Variants in PLCXD3 observed in about 807,000 individuals in gnomAD.
The protein encoded by PLCXD3 is phosphatidylinositol specific phospholipase C X domain containing 3.
A neutral mutation model predicts 25.5 loss-of-function variants in PLCXD3; 19 were observed. The observed-to-expected ratio is 0.75, with a 90% CI of 0.52 to 1.09. PLCXD3 has a LOEUF of 1.09. Among genes scored for constraint, PLCXD3 ranks in the 50% least tolerant of loss-of-function variants. PLCXD3 has a pLI of 0.00. For missense variants in PLCXD3, 411 were observed against 388.1 expected (o/e 1.06, Z -0.50); for synonymous variants, 174 against 137.6 (o/e 1.26, Z -1.85).
intron 1 of PLCXD3, among the ~76,000 whole-genome samples, chr5:41,501,411 A>C (rs948271960): frequency 6.6e-6 from 1 of 152,116 alleles, no homozygotes; most frequent in Admixed American, 6.6e-5. Context: ...CCTTGAAGAC[A>C]TTATGCGAAC....
intron 2 of PLCXD3, among the ~76,000 whole-genome samples, chr5:41,348,902 C>T (rs1744376156): frequency 1.3e-5 from 2 of 152,016 alleles, no homozygotes; most frequent in African/African-American, 4.8e-5. Context: ...GGAAAATTTG[C>T]CAAAAGAAGT....
intron 2 of PLCXD3, among the ~76,000 whole-genome samples, chr5:41,320,307 C>CA (rs758517712): frequency 2.3e-4 from 35 of 151,050 alleles, no homozygotes; most frequent in East Asian, 3.9e-4. Context: ...CACCTAAAAA[C>CA]AAAAAAAAGA....
chr5:41,307,059 C>A lies in PLCXD3; in HGVS notation c.*6558G>T, dbSNP rs967637845. ...AAAAAATTCACATTTTCTATACAGACTGTAGCCATGGATTTTCTTTACACC... is the reference window on the plus strand; with the variant it reads ...AAAAAATTCACATTTTCTATACAGAATGTAGCCATGGATTTTCTTTACACC... On this transcript the variant is annotated 3_prime_UTR_variant, in exon 3 of 3. Transcript: ENST00000377801. The A allele has an allele frequency of 6.6e-6, 1 of 152,538 alleles. No homozygotes were observed. The highest frequency in any genetic ancestry group is 2.4e-5 in the African/African-American group (1 of 41,424). 9.4% of individuals were successfully genotyped at this position (152,538 alleles called of 1,614,324 possible).
intron 1 of PLCXD3, among the ~76,000 whole-genome samples, chr5:41,491,621 T>A (rs1748673379): frequency 6.6e-6 from 1 of 152,132 alleles, no homozygotes; most frequent in Non-Finnish European, 1.5e-5. Flanking sequence ...GGTGCTCCTG[T>A]GTTGGGTGCA....
At chr5:41,318,162 C>T (rs1743355930) in intron 2 of PLCXD3, among the ~76,000 whole-genome samples, 1 of 151,958 alleles carries the variant, frequency 6.6e-6, no homozygotes, top group East Asian at 1.9e-4. Flanking sequence ...TTCATCAATC[C>T]CAGACCCGCC....
chr5:41,464,179 C>T lies in PLCXD3; in HGVS notation c.103+46245G>A, dbSNP rs376284541. Among the ~76,000 whole-genome samples the T allele has an allele frequency of 2.0e-3, 307 of 152,116 alleles. 1 individual carries two copies. Among genetic ancestry groups the T allele is most frequent in the African/African-American group, 6.8e-3 (284 of 41,526 alleles). Reference sequence around the variant, plus strand: ...CCCTGACTGTTCATTTACTAGTCTGCTTTAATCTGAAGAGCTCTGTAATCT... The same window carrying T: ...CCCTGACTGTTCATTTACTAGTCTGTTTTAATCTGAAGAGCTCTGTAATCT... On this transcript the variant is annotated intron_variant, in intron 1 of 2. Transcript: ENST00000377801.
chr5:41,481,118 A>AG (rs1486255887), intron 1 of PLCXD3, among the ~76,000 whole-genome samples: 209 of 151,160 alleles, frequency 1.4e-3, no homozygotes, highest in African/African-American at 4.9e-3. Context: ...AAAAAAAAAA[A>AG]AAAAAAAAAG....
intron 2 of PLCXD3, among the ~76,000 whole-genome samples, chr5:41,362,891 T>G: frequency 6.6e-6 from 1 of 152,208 alleles, no homozygotes; most frequent in East Asian, 1.9e-4. Flanking sequence ...CAGTTAGTGT[T>G]CATGAATGTC....
intron 1 of PLCXD3, among the ~76,000 whole-genome samples, chr5:41,497,079 GA>G (rs1024446766): frequency 6.3e-5 from 9 of 142,420 alleles, no homozygotes; most frequent in African/African-American, 7.7e-5. Context: ...AAGAAAAGAA[GA>G]AAAAAAAATC....
intron 2 of PLCXD3, among the ~76,000 whole-genome samples, chr5:41,369,183 T>C (rs1446543399): frequency 1.3e-5 from 2 of 152,146 alleles, no homozygotes; most frequent in African/African-American, 4.8e-5. Context: ...GTCAAATTTA[T>C]TAAATAACCA....
At chr5:41,406,752 C>A (rs971582465) in intron 1 of PLCXD3, among the ~76,000 whole-genome samples, 1 of 152,086 alleles carries the variant, frequency 6.6e-6, no homozygotes, top group African/African-American at 2.4e-5. Context: ...ATCTCAGCTG[C>A]GATCATTCAA....
intron 1 of PLCXD3, among the ~76,000 whole-genome samples, chr5:41,500,654 G>A (rs967824674): frequency 2.0e-5 from 3 of 151,742 alleles, no homozygotes; most frequent in Non-Finnish European, 2.9e-5. Context: ...GCTTTATGAA[G>A]TTGGGTTTGG....
chr5:41,493,803 G>C (rs1038328123), intron 1 of PLCXD3, among the ~76,000 whole-genome samples: 1 of 152,212 alleles, frequency 6.6e-6, no homozygotes, highest in Non-Finnish European at 1.5e-5. Flanking sequence ...CGCAGTATTG[G>C]GGTGGGAGTG....
intron 1 of PLCXD3, among the ~76,000 whole-genome samples, chr5:41,501,013 C>T (rs569516621): frequency 1.3e-5 from 2 of 152,014 alleles, no homozygotes; most frequent in African/African-American, 4.8e-5. Flanking sequence ...AAGATATCAC[C>T]TAATACCTGT....
Position 41,313,675 on chromosome 5 carries a change from A to G in PLCXD3, c.908T>C (p.Phe303Ser). 6.2e-7 allele frequency: 1 copy of G among 1,613,940 alleles called. No homozygotes were observed. The highest frequency in any genetic ancestry group is 8.5e-7 in the Non-Finnish European group (1 of 1,179,876). The change falls in exon 3 of 3, where the codon TTT (phenylalanine) becomes TCT (serine). Residue 303 changes from phenylalanine to serine, a missense_variant. Physicochemically the swap from Phe to Ser is radical, Grantham distance 155. Transcript: ENST00000377801. ...VTADFVELGD[F>S]ISTVIKLNYV... ...GTTGAGCTTTATGACAGTGCTGATA[A>G]AGTCACCAAGTTCTACAAAATCGGC... is the stretch of plus-strand genomic sequence containing the variant.
chr5:41,344,701 G>A (rs1461148786), intron 2 of PLCXD3, among the ~76,000 whole-genome samples: 3 of 149,076 alleles, frequency 2.0e-5, no homozygotes, highest in Admixed American at 2.0e-4. Context: ...GTTCCTGTTG[G>A]AAAATTTTTA....
intron 2 of PLCXD3, among the ~76,000 whole-genome samples, chr5:41,374,062 G>A (rs1561250041): frequency 6.6e-6 from 1 of 152,054 alleles, no homozygotes; most frequent in South Asian, 2.1e-4. Context: ...ATTTAAGGAA[G>A]AACTAACTGA....
intron 1 of PLCXD3, among the ~76,000 whole-genome samples, chr5:41,450,539 G>A (rs1012432640): frequency 1.3e-5 from 2 of 152,060 alleles, no homozygotes; most frequent in Non-Finnish European, 2.9e-5. Flanking sequence ...TTACAATGCT[G>A]ATAGAAGCAG....
chr5:41,341,263 C>T (rs1171093118), intron 2 of PLCXD3, among the ~76,000 whole-genome samples: 1 of 152,118 alleles, frequency 6.6e-6, no homozygotes, highest in Non-Finnish European at 1.5e-5. Flanking sequence ...GTCTACACTG[C>T]CATGCTAATG....
Sources: allele counts gnomAD v4.1 joint callset (sites outside exome capture counted in the v4.1 genomes callset), GRCh38; gene constraint gnomAD v4.1.1; transcripts MANE v1.5; gene names NCBI Gene and HGNC (gene_info 2026-07-23, HGNC 2026-07-21).